The following LRRC28 variants were observed in gnomAD, a reference collection of about 807,000 sequenced individuals.
The protein encoded by LRRC28 is leucine rich repeat containing 28.
A neutral mutation model predicts 45.7 loss-of-function variants in LRRC28; 39 were observed. The ratio of observed to expected loss-of-function variants is 0.85; its 90% CI spans 0.66 to 1.12. The LOEUF (loss-of-function observed/expected upper bound fraction) is 1.12. Among genes scored for constraint, LRRC28 ranks in the 50% most tolerant of loss-of-function variants. The pLI, the probability that LRRC28 is intolerant of heterozygous loss-of-function variation, is 0.00. For synonymous variants in LRRC28, 206 were observed against 178.8 expected (o/e 1.15, Z -1.22); for missense variants, 435 against 438.5 (o/e 0.99, Z 0.07).
chr15:99,312,181 A>ACTG (rs1314145525), intron 5 of LRRC28, among the ~76,000 whole-genome samples: 1 of 152,222 alleles, frequency 6.6e-6, no homozygotes, highest in Non-Finnish European at 1.5e-5. Flanking sequence ...CATAGAGTAC[A>ACTG]CTTACATAAA....
rs1383918854 is a variant in LRRC28, at chr15:99,389,620, C to T, written c.*3518C>T. The T allele has an allele frequency of 6.6e-6, 1 of 152,156 alleles. No homozygotes were observed. Among genetic ancestry groups the T allele is most frequent in the Admixed American group, 6.5e-5 (1 of 15,274 alleles). The allele number at this position is 152,156 out of a possible 1,614,324, so 9.4% of individuals were successfully genotyped here. Reference sequence around the variant, plus strand: ...TTCATTTCACAGACTCATAAACACACTCTCTTTAAGACTCTTCTTTAAATG... The same window carrying T: ...TTCATTTCACAGACTCATAAACACATTCTCTTTAAGACTCTTCTTTAAATG... On this transcript the variant is annotated 3_prime_UTR_variant, in exon 10 of 10. Transcript: ENST00000301981.
At chr15:99,279,271 A>G (rs1328969774) in intron 3 of LRRC28, among the ~76,000 whole-genome samples, 1 of 152,244 alleles carries the variant, frequency 6.6e-6, no homozygotes, top group Non-Finnish European at 1.5e-5. Flanking sequence ...CGTTGAATAG[A>G]TACATGACTT....
chr15:99,380,228 G>A (rs1172115896), intron 9 of LRRC28, among the ~76,000 whole-genome samples: 3 of 152,148 alleles, frequency 2.0e-5, no homozygotes, highest in Non-Finnish European at 1.5e-5. Flanking sequence ...CTCCTGTTGT[G>A]GGTGCATATA....
At chr15:99,310,099 T>G (rs1955349066) in intron 5 of LRRC28, among the ~76,000 whole-genome samples, 1 of 152,172 alleles carries the variant, frequency 6.6e-6, no homozygotes, top group African/African-American at 2.4e-5. Flanking sequence ...TGAAATGTAT[T>G]AAAACATATC....
At chr15:99,348,519 T>G (rs1956766893) in intron 6 of LRRC28, among the ~76,000 whole-genome samples, 1 of 152,162 alleles carries the variant, frequency 6.6e-6, no homozygotes, top group African/African-American at 2.4e-5. Context: ...GCACCATCTA[T>G]TCAAGACACT....
At chr15:99,256,195 C>T in intron 2 of LRRC28, 70 bp downstream of exon 2, 2 of 1,302,858 alleles carry the variant, frequency 1.5e-6, no homozygotes, top group Non-Finnish European at 2.1e-6. Context: ...CATTTACATA[C>T]CCTAAGGTAT....
At chr15:99,360,200 G>A (rs1957163345) in intron 7 of LRRC28, among the ~76,000 whole-genome samples, 1 of 152,042 alleles carries the variant, frequency 6.6e-6, no homozygotes, top group Admixed American at 6.6e-5. Flanking sequence ...AAACCAAGAC[G>A]TAGCCATATT....
chr15:99,255,595 A>G (rs1275599419), intron 1 of LRRC28, among the ~76,000 whole-genome samples: 1 of 152,088 alleles, frequency 6.6e-6, no homozygotes, highest in Non-Finnish European at 1.5e-5. Context: ...TATGTTATGA[A>G]ACTGGTCACT....
intron 5 of LRRC28, among the ~76,000 whole-genome samples, chr15:99,289,707 G>A (rs1386020489): frequency 7.9e-5 from 12 of 151,706 alleles, no homozygotes; most frequent in Non-Finnish European, 2.9e-5. Context: ...GCCGAGGCGG[G>A]TGGATCATGA....
chr15:99,284,951 A>G (rs1567625206), intron 3 of LRRC28: 1 of 614,606 alleles, frequency 1.6e-6, no homozygotes, highest in East Asian at 3.5e-5. Flanking sequence ...CATTCCCATC[A>G]AAACCACCTC....
rs111677221 is a variant in LRRC28, at chr15:99,343,470, G to A, written c.593-8899G>A. On this transcript the variant is annotated intron_variant, in intron 6 of 9. Transcript: ENST00000301981. ...AAACAAACAAACAGAATTGGAGCTT[G>A]TGCAGGACTCCTAGATTTTGCTAAT... Among the ~76,000 whole-genome samples the A allele has an allele frequency of 3.3e-3, 508 of 152,284 alleles. 3 individuals are homozygous for A. Among genetic ancestry groups the A allele is most frequent in the Non-Finnish European group, 5.9e-3 (398 of 68,014 alleles).
At chr15:99,303,686 T>C (rs1461516352) in intron 5 of LRRC28, among the ~76,000 whole-genome samples, 2 of 151,656 alleles carry the variant, frequency 1.3e-5, no homozygotes, top group Non-Finnish European at 2.9e-5. Flanking sequence ...ATACAAAAAT[T>C]AGCTGGGCGT....
At chr15:99,289,795 C>T (rs566083319) in intron 5 of LRRC28, among the ~76,000 whole-genome samples, 13 of 148,258 alleles carry the variant, frequency 8.8e-5, no homozygotes, top group South Asian at 4.4e-4. Flanking sequence ...TAGCCGGGCG[C>T]GGTGGCGGGC....
At chr15:99,363,048 G>T in intron 8 of LRRC28, 58 bp from the exon 9 acceptor site, 7 of 1,525,860 alleles carry the variant, frequency 4.6e-6, no homozygotes, top group Non-Finnish European at 6.2e-6. Flanking sequence ...TTTAAGAAGC[G>T]TAGTTTAAGG....
intron 5 of LRRC28, among the ~76,000 whole-genome samples, chr15:99,303,551 G>A (rs923340798): frequency 8.6e-5 from 13 of 151,972 alleles, no homozygotes; most frequent in Admixed American, 6.6e-5. Flanking sequence ...ATATAAAAAC[G>A]GCCTGGGCAC....
At chr15:99,347,206 C>CTT (rs36089095) in intron 6 of LRRC28, among the ~76,000 whole-genome samples, 51 of 144,084 alleles carry the variant, frequency 3.5e-4, no homozygotes, top group South Asian at 3.3e-3. Context: ...CGTGAGCTCC[C>CTT]TTTTTTTTTT....
At chr15:99,371,425 G>T (rs1032170484) in intron 9 of LRRC28, among the ~76,000 whole-genome samples, 2 of 151,994 alleles carry the variant, frequency 1.3e-5, no homozygotes, top group Non-Finnish European at 2.9e-5. Flanking sequence ...TTTGTTAGAG[G>T]GCCTGCAAAA....
chr15:99,263,570 T>C (rs918816387), intron 2 of LRRC28, among the ~76,000 whole-genome samples: 2 of 152,160 alleles, frequency 1.3e-5, no homozygotes, highest in African/African-American at 4.8e-5. Context: ...ATAAGGACCA[T>C]ATTATAAGAG....
intron 9 of LRRC28, among the ~76,000 whole-genome samples, chr15:99,371,288 C>G (rs898661469): frequency 6.6e-6 from 1 of 152,202 alleles, no homozygotes; most frequent in African/African-American, 2.4e-5. Context: ...GGGCTTCAAT[C>G]AGGCCACTTT....
Sources: allele counts gnomAD v4.1 joint callset (sites outside exome capture counted in the v4.1 genomes callset), GRCh38; gene constraint gnomAD v4.1.1; transcripts MANE v1.5; gene names NCBI Gene and HGNC (gene_info 2026-07-23, HGNC 2026-07-21).